The following IER3IP1 variants were observed in gnomAD, a reference collection of about 807,000 sequenced individuals.
IER3IP1 encodes immediate early response 3 interacting protein 1, also known as immediate early response 3-interacting protein 1.
Under a neutral mutation model 12.2 loss-of-function variants are expected in IER3IP1, and 16 were observed. The observed-to-expected ratio is 1.31, with a 90% CI of 0.89 to 1.99. The LOEUF is 1.99. IER3IP1 is among the 30% of genes most tolerant of loss of function. The pLI is 0.00. For missense variants in IER3IP1, 95 were observed against 95.8 expected (o/e 0.99, Z 0.03); for synonymous variants, 42 against 40.0 (o/e 1.05, Z -0.19).
chr18:47,154,148 C>T lies in IER3IP1; in HGVS notation c.*2029G>A, dbSNP rs1472540229. The T allele has an allele frequency of 6.6e-6, 1 of 152,214 alleles. No individual in the cohort carries two copies. Among genetic ancestry groups the T allele is most frequent in the African/African-American group, 2.4e-5 (1 of 41,426 alleles). 9.4% of individuals were successfully genotyped at this position (152,214 alleles called of 1,614,324 possible). On this transcript the variant is annotated 3_prime_UTR_variant, in exon 3 of 3. Coordinates refer to ENST00000256433, the MANE Select transcript of IER3IP1 (RefSeq NM_016097.5). ...TCCAGAATCATCACAAATTGTTAAT[C>T]CTGGTAATAGATAAAGGGGAGGACA...
intron 1 of IER3IP1, among the ~76,000 whole-genome samples, chr18:47,161,802 T>C (rs575411841): frequency 6.6e-6 from 1 of 151,944 alleles, no homozygotes; most frequent in Admixed American, 6.6e-5. Flanking sequence ...ACTGTAATAA[T>C]TATACAACTC....
At chr18:47,157,331 A>G in intron 2 of IER3IP1, 105 bp downstream of exon 2, 1 of 956,464 alleles carries the variant, frequency 1.0e-6, no homozygotes, top group East Asian at 2.5e-5. Flanking sequence ...AAAGAGAAAA[A>G]AAATTCCCAC....
At chr18:47,174,771 A>T (rs1349111126) in intron 1 of IER3IP1, among the ~76,000 whole-genome samples, 1 of 151,922 alleles carries the variant, frequency 6.6e-6, no homozygotes, top group Non-Finnish European at 1.5e-5. Flanking sequence ...AAATCTGGTC[A>T]TGTCGCTGTC....
At chr18:47,174,665 T>C (rs111882872) in intron 1 of IER3IP1, among the ~76,000 whole-genome samples, 3,943 of 148,896 alleles carry the variant, frequency 0.026, 58 homozygotes, top group Non-Finnish European at 0.041. Flanking sequence ...TGAGACTCCG[T>C]CTCAAAAAAA....
intron 1 of IER3IP1, among the ~76,000 whole-genome samples, chr18:47,159,280 CAGT>C (rs1313614493): frequency 6.6e-6 from 1 of 152,214 alleles, no homozygotes; most frequent in African/African-American, 2.4e-5. Flanking sequence ...TCAAAAACTA[CAGT>C]AGGTCACCAT....
intron 1 of IER3IP1, among the ~76,000 whole-genome samples, chr18:47,168,530 T>C (rs1274850660): frequency 6.6e-6 from 1 of 152,200 alleles, no homozygotes; most frequent in African/African-American, 2.4e-5. Flanking sequence ...CCAATATATA[T>C]TCTTTTGTGC....
intron 1 of IER3IP1, among the ~76,000 whole-genome samples, chr18:47,167,661 T>G (rs1272110807): frequency 2.0e-5 from 3 of 149,990 alleles, no homozygotes; most frequent in Non-Finnish European, 4.4e-5. Flanking sequence ...AATTACAGTA[T>G]ATTTTATATT....
rs1252662590 is a variant in IER3IP1 at position 47,153,078 on chromosome 18, T to C, written c.*3099A>G. On this transcript the variant is annotated 3_prime_UTR_variant, in exon 3 of 3. Transcript: ENST00000256433. Reference sequence around the variant, plus strand: ...ATATTAGAAATATCTTGCCTCCTAGTCTTTTTACTAGTCAAATATCTTGCT... The same window carrying C: ...ATATTAGAAATATCTTGCCTCCTAGCCTTTTTACTAGTCAAATATCTTGCT... The C allele has an allele frequency of 1.3e-5, 2 of 152,230 alleles. No individual in the cohort carries two copies. Among genetic ancestry groups the C allele is most frequent in the African/African-American group, 2.4e-5 (1 of 41,466 alleles). 9.4% of individuals were successfully genotyped at this position (152,230 alleles called of 1,614,324 possible).
intron 1 of IER3IP1, among the ~76,000 whole-genome samples, chr18:47,167,687 G>A (rs1447213769): frequency 6.6e-6 from 1 of 152,162 alleles, no homozygotes; most frequent in Non-Finnish European, 1.5e-5. Flanking sequence ...AATCAATAAT[G>A]TGAAGTTAAC....
chr18:47,167,409 G>A (rs1424316522), intron 1 of IER3IP1, among the ~76,000 whole-genome samples: 1 of 152,122 alleles, frequency 6.6e-6, no homozygotes, highest in Non-Finnish European at 1.5e-5. Flanking sequence ...CACAAATTTT[G>A]GAAAATACAC....
chr18:47,156,122 GTAA>G lies in IER3IP1; in HGVS notation c.*52_*54del. ...TATAAATATTCCAATAATGACCAAA[GTAA>G]TAACTTCTACTGGCATGTCCTCTTC... is the stretch of plus-strand genomic sequence containing the variant. On this transcript the variant is annotated 3_prime_UTR_variant, in exon 3 of 3. Transcript: ENST00000256433. 9.3e-7 allele frequency: 1 copy of G among 1,077,840 alleles called. No individual in the cohort carries two copies. Among genetic ancestry groups the G allele is most frequent in the Non-Finnish European group, 1.4e-6 (1 of 694,980 alleles). 66.8% of individuals were successfully genotyped at this position (1,077,840 alleles called of 1,614,324 possible). A position where few individuals can be genotyped will look rare whatever the true frequency, so the allele number is the denominator to read the frequency against.
intron 1 of IER3IP1, among the ~76,000 whole-genome samples, chr18:47,158,544 G>A (rs2063969015): frequency 6.6e-6 from 1 of 151,736 alleles, no homozygotes; most frequent in East Asian, 2.0e-4. Context: ...GTTTCGTCAT[G>A]TTACCCAGGC....
At chr18:47,157,896 CT>C (rs2063966686) in intron 1 of IER3IP1, among the ~76,000 whole-genome samples, 2 of 152,052 alleles carry the variant, frequency 1.3e-5, no homozygotes, top group African/African-American at 2.4e-5. Context: ...TACTGTCAAG[CT>C]ATATAATTAT....
At chr18:47,162,974 GGAGAAGGGAGAGTTT>G (rs1568072135) in intron 1 of IER3IP1, among the ~76,000 whole-genome samples, 1 of 152,022 alleles carries the variant, frequency 6.6e-6, no homozygotes, top group Non-Finnish European at 1.5e-5. Context: ...ATAATTGGTT[GGAGAAGGGAGAGTTT>G]GAGAAGTATG....
At chr18:47,157,592 C>A in intron 1 of IER3IP1, 55 bp from the exon 2 acceptor site, 2 of 1,450,312 alleles carry the variant, frequency 1.4e-6, no homozygotes, top group East Asian at 4.5e-5. Flanking sequence ...TGCCTTCCTC[C>A]CTGTCATCTT....
Position 47,176,353 on chromosome 18 carries a change from G to C in IER3IP1, c.-76C>G. ...AAGGGACGTGGCGCCTCCACGGCCG[G>C]CGCCTTCCTACGGAAGCCGATGGGG... is the stretch of plus-strand genomic sequence containing the variant. On this transcript the variant is annotated 5_prime_UTR_variant, in exon 1 of 3. Coordinates refer to ENST00000256433, the MANE Select transcript of IER3IP1 (RefSeq NM_016097.5). 2.3e-6 allele frequency: 3 copies of C among 1,317,416 alleles called. No homozygotes were observed. Among genetic ancestry groups the C allele is most frequent in the Non-Finnish European group, 3.2e-6 (3 of 941,164 alleles). The allele number at this position is 1,317,416 out of a possible 1,614,324, so 81.6% of individuals were successfully genotyped here. A position where few individuals can be genotyped will look rare whatever the true frequency, so the allele number is the denominator to read the frequency against.
chr18:47,175,030 T>G (rs2064027623), intron 1 of IER3IP1, among the ~76,000 whole-genome samples: 1 of 152,244 alleles, frequency 6.6e-6, no homozygotes, highest in Non-Finnish European at 1.5e-5. Flanking sequence ...TTTATTTAGA[T>G]TAACTTCCAT....
chr18:47,163,461 T>C (rs1286669549), intron 1 of IER3IP1, among the ~76,000 whole-genome samples: 1 of 152,202 alleles, frequency 6.6e-6, no homozygotes, highest in Non-Finnish European at 1.5e-5. Context: ...AGTGTATAAA[T>C]TACTTATTTC....
chr18:47,168,022 A>T (rs2064001615), intron 1 of IER3IP1, among the ~76,000 whole-genome samples: 1 of 146,358 alleles, frequency 6.8e-6, no homozygotes, highest in Non-Finnish European at 1.5e-5. Flanking sequence ...GCTACTCAGG[A>T]GGCTGAGGCA....
Sources: allele counts gnomAD v4.1 joint callset (sites outside exome capture counted in the v4.1 genomes callset), GRCh38; gene constraint gnomAD v4.1.1; transcripts MANE v1.5; gene names NCBI Gene and HGNC (gene_info 2026-07-23, HGNC 2026-07-21).